PTCHD4: variants seen among roughly 807,000 people sequenced by gnomAD.
PTCHD4 encodes the protein patched domain containing 4.
PTCHD4 carries 33 observed loss-of-function variants against 58.1 expected under a neutral mutation model. That is an observed-to-expected ratio of 0.57 (90% CI 0.43 to 0.76). PTCHD4 has a LOEUF of 0.76. Among genes scored for constraint, PTCHD4 ranks in the 30% least tolerant of loss-of-function variants. The pLI, the probability that PTCHD4 is intolerant of heterozygous loss-of-function variation, is 0.00. For missense variants in PTCHD4, 1,058 were observed against 1,027.1 expected (o/e 1.03, Z -0.41); for synonymous variants, 478 against 409.6 (o/e 1.17, Z -2.02).
intron 4 of PTCHD4, among the ~76,000 whole-genome samples, chr6:47,953,269 C>A (rs912537664): frequency 1.3e-5 from 2 of 152,162 alleles, no homozygotes; most frequent in African/African-American, 4.8e-5. Context: ...CCTTATCTTT[C>A]ATCAGCATTT....
intron 4 of PTCHD4, among the ~76,000 whole-genome samples, chr6:47,913,023 A>C (rs1581867881): frequency 6.6e-6 from 1 of 152,132 alleles, no homozygotes; most frequent in East Asian, 1.9e-4. Context: ...AGTGACCAGC[A>C]CTGCTACAAG....
At chr6:47,995,166 TATTTACTTA>T (rs1210863337) in intron 4 of PTCHD4, among the ~76,000 whole-genome samples, 3 of 152,170 alleles carry the variant, frequency 2.0e-5, no homozygotes, top group African/African-American at 7.2e-5. Flanking sequence ...TCAGAAACAC[TATTTACTTA>T]GTTCATTTAC....
At chr6:48,110,848 G>A (rs914302883) in intron 1 of PTCHD4, among the ~76,000 whole-genome samples, 2 of 146,380 alleles carry the variant, frequency 1.4e-5, no homozygotes, top group African/African-American at 2.5e-5. Context: ...TCCCAATCTG[G>A]TACTTGTCTT....
intron 4 of PTCHD4, among the ~76,000 whole-genome samples, chr6:48,006,060 G>T (rs74733164): frequency 0.06 from 9,189 of 152,202 alleles, 381 homozygotes; most frequent in African/African-American, 0.11. Flanking sequence ...TAAAGTATAT[G>T]TTCTTAGGTC....
At chr6:48,104,773 G>T (rs1057145521) in intron 1 of PTCHD4, among the ~76,000 whole-genome samples, 1 of 151,610 alleles carries the variant, frequency 6.6e-6, no homozygotes, top group Non-Finnish European at 1.5e-5. Flanking sequence ...CAAGCAAACG[G>T]AAAAGAAAAA....
intron 1 of PTCHD4, among the ~76,000 whole-genome samples, chr6:48,110,113 T>G (rs1240945438): frequency 1.3e-5 from 2 of 152,142 alleles, no homozygotes; most frequent in African/African-American, 4.8e-5. Context: ...TGAGTATGTT[T>G]CAAAAGGAAA....
At chr6:47,882,209 G>T (rs1581820494) in intron 4 of PTCHD4, among the ~76,000 whole-genome samples, 1 of 152,082 alleles carries the variant, frequency 6.6e-6, no homozygotes, top group South Asian at 2.1e-4. Flanking sequence ...TAGTCACAAG[G>T]TGGGGAAAGG....
At chr6:48,036,477 C>T (rs140791640) in intron 3 of PTCHD4, among the ~76,000 whole-genome samples, 126 of 152,256 alleles carry the variant, frequency 8.3e-4, no homozygotes, top group African/African-American at 2.9e-3. Context: ...GTGATGAAAT[C>T]TCATGCTGTC....
At chr6:47,908,602 A>T (rs778854349) in intron 4 of PTCHD4, among the ~76,000 whole-genome samples, 1 of 151,946 alleles carries the variant, frequency 6.6e-6, no homozygotes, top group Non-Finnish European at 1.5e-5. Context: ...CCCTCATGCC[A>T]CTCTTTGTCA....
intron 1 of PTCHD4, among the ~76,000 whole-genome samples, chr6:48,109,439 T>A (rs1765814775): frequency 6.6e-6 from 1 of 152,150 alleles, no homozygotes; most frequent in Admixed American, 6.6e-5. Context: ...ATTTAAACAT[T>A]ATTTTAGTGA....
intron 3 of PTCHD4, among the ~76,000 whole-genome samples, chr6:48,067,348 GA>G (rs1399153762): frequency 6.6e-6 from 1 of 152,008 alleles, no homozygotes; most frequent in African/African-American, 2.4e-5. Context: ...TGCTGACTGT[GA>G]TTTTTTTTTC....
At chr6:48,027,385 A>T (rs1057390653) in intron 3 of PTCHD4, among the ~76,000 whole-genome samples, 14 of 152,108 alleles carry the variant, frequency 9.2e-5, no homozygotes, top group African/African-American at 3.1e-4. Flanking sequence ...AATTGTCAGT[A>T]TTACTATAAC....
At chr6:47,904,655 A>G (rs1354281336) in intron 4 of PTCHD4, among the ~76,000 whole-genome samples, 1 of 152,200 alleles carries the variant, frequency 6.6e-6, no homozygotes, top group African/African-American at 2.4e-5. Flanking sequence ...AGAGAGGATT[A>G]TTTCTGGGTT....
intron 4 of PTCHD4, among the ~76,000 whole-genome samples, chr6:47,891,727 C>T (rs1229695747): frequency 6.6e-6 from 1 of 152,068 alleles, no homozygotes. Context: ...ATACCTTCTT[C>T]CTAAAATACT....
chr6:48,068,819 T>G lies in PTCHD4; in HGVS notation c.5+134A>C. ...CACCTCCATGCGCTCCTACTACTCT[T>G]TCAAACACTGCAGCAAGTTGCAGCA... On this transcript the variant is annotated intron_variant, in intron 2 of 4. Coordinates refer to ENST00000339488, the MANE Select transcript of PTCHD4 (RefSeq NM_001384253.1). This position sits in a 1 kb window ranked among gnomAD's most constrained non-coding sequence, Gnocchi z 4.2. 1 of 615,470 alleles carries G rather than the reference T, an allele frequency of 1.6e-6. No homozygotes were observed. Among genetic ancestry groups the G allele is most frequent in the Non-Finnish European group, 2.8e-6 (1 of 359,614 alleles). 38.1% of individuals were successfully genotyped at this position (615,470 alleles called of 1,614,324 possible).
Position 47,871,982 on chromosome 6 carries a change from G to C in PTCHD4, c.*6321C>G, listed in dbSNP as rs1763724195. Among the ~76,000 whole-genome samples, 1 of 151,126 alleles carries C rather than the reference G, an allele frequency of 6.6e-6. No homozygotes were observed. Among genetic ancestry groups the C allele is most frequent in the Admixed American group, 6.6e-5 (1 of 15,136 alleles). On this transcript the variant is annotated 3_prime_UTR_variant, in exon 5 of 5. Coordinates refer to ENST00000339488, the MANE Select transcript of PTCHD4 (RefSeq NM_001384253.1). ...AATTCCCTTATTCTACTTGAAAATAGATGCTACAGACTGTACCAGGAGATG... is the reference window on the plus strand; with the variant it reads ...AATTCCCTTATTCTACTTGAAAATACATGCTACAGACTGTACCAGGAGATG...
intron 4 of PTCHD4, among the ~76,000 whole-genome samples, chr6:47,970,385 T>C (rs891718810): frequency 7.2e-5 from 11 of 152,142 alleles, no homozygotes; most frequent in African/African-American, 2.4e-4. Flanking sequence ...AGATGAAACC[T>C]GAGTGCCTGA....
At chr6:47,998,398 A>T (rs1053955133) in intron 4 of PTCHD4, among the ~76,000 whole-genome samples, 54 of 152,160 alleles carry the variant, frequency 3.5e-4, no homozygotes, top group African/African-American at 1.3e-3. Context: ...ATATTTACAA[A>T]TCTTTCCATT....
intron 4 of PTCHD4, among the ~76,000 whole-genome samples, chr6:47,889,652 T>A (rs1314656834): frequency 2.0e-5 from 3 of 151,692 alleles, no homozygotes; most frequent in African/African-American, 7.3e-5. Context: ...GCTAGCCATA[T>A]GTAGAAAGCC....
Sources: gnomAD v4.1 joint callset for allele counts (sites outside exome capture counted in the v4.1 genomes callset) on GRCh38, gnomAD v4.1.1 for gene constraint, Gnocchi (gnomAD v3.1) non-coding constraint, MANE v1.5 for transcripts, NCBI Gene and HGNC (gene_info 2026-07-23, HGNC 2026-07-21) for gene names.